The following CACNA1C variants were observed in gnomAD, a reference collection of about 807,000 sequenced individuals.
The protein encoded by CACNA1C is voltage-dependent L-type calcium channel subunit alpha-1C.
A neutral mutation model predicts 229.0 loss-of-function variants in CACNA1C; 30 were observed. The ratio of observed to expected loss-of-function variants is 0.13; its 90% confidence interval spans 0.10 to 0.18. CACNA1C has a LOEUF of 0.18. CACNA1C is among the 10% of genes least tolerant of loss of function. The probability of loss-of-function intolerance (pLI) is 1.00; values close to 1 mark genes in which losing one functional copy is unlikely to be tolerated. For missense variants in CACNA1C, 1,658 were observed against 2,845.0 expected (o/e 0.58, Z 9.49); for synonymous variants, 1,114 against 1,132.5 (o/e 0.98, Z 0.33).
chr12:2,578,164 G>A (rs999176554), intron 13 of CACNA1C, among the ~76,000 whole-genome samples: 13 of 152,322 alleles, frequency 8.5e-5, no homozygotes, highest in South Asian at 4.1e-4. Flanking sequence ...CACCGCGCCC[G>A]GCCAGAAGTA....
intron 30 of CACNA1C, chr12:2,641,378 G>A: frequency 4.4e-6 from 1 of 229,564 alleles, no homozygotes; most frequent in Non-Finnish European, 8.4e-6. Context: ...AGTGGGTGCT[G>A]TTGCCAACCA....
intron 3 of CACNA1C, among the ~76,000 whole-genome samples, chr12:2,172,349 G>A (rs1346690477): frequency 6.6e-6 from 1 of 152,202 alleles, no homozygotes. Flanking sequence ...AGCCTTTCCA[G>A]ACTCTTGTCA....
At chr12:2,063,060 C>A (rs2154518804) in intron 1 of CACNA1C, among the ~76,000 whole-genome samples, 1 of 152,232 alleles carries the variant, frequency 6.6e-6, no homozygotes, top group East Asian at 1.9e-4. Context: ...TTGGTAGTCA[C>A]TTTTCATTCC....
chr12:2,327,422 C>A (rs1205860800), intron 3 of CACNA1C, among the ~76,000 whole-genome samples: 1 of 152,200 alleles, frequency 6.6e-6, no homozygotes, highest in African/African-American at 2.4e-5. Context: ...CCTTTCTACT[C>A]AAAGAAAATG....
At chr12:2,121,394 T>C (rs527317583) in intron 3 of CACNA1C, among the ~76,000 whole-genome samples, 1 of 152,248 alleles carries the variant, frequency 6.6e-6, no homozygotes, top group Non-Finnish European at 1.5e-5. Flanking sequence ...GTTCTTGTAT[T>C]TTGTAACCTT....
chr12:2,549,772 C>T (rs924454543), intron 9 of CACNA1C, among the ~76,000 whole-genome samples, 171 bp from the exon 10 acceptor site: 1 of 152,214 alleles, frequency 6.6e-6, no homozygotes, highest in African/African-American at 2.4e-5. Flanking sequence ...GGACAACCAG[C>T]AGATGTGTCC....
At position 2,425,347 on chromosome 12, in the gene CACNA1C, A is replaced by C. The variant is rs545146672; in HGVS notation, c.478-23629A>C. Among the ~76,000 whole-genome samples, 5 of 152,352 alleles carry C rather than the reference A, an allele frequency of 3.3e-5. No homozygotes were observed. The South Asian group carries it at 1.0e-3, about 32-fold the overall frequency. ...AAATACACACAAAGGAAGTAGATTA[A>C]TCATATAAGCGAAAATGTCAGCAAC... On this transcript the variant is annotated intron_variant, in intron 3 of 46. Coordinates refer to ENST00000399655, the MANE Select transcript of CACNA1C (RefSeq NM_000719.7).
intron 3 of CACNA1C, among the ~76,000 whole-genome samples, chr12:2,432,678 T>A (rs2099097712): frequency 6.6e-6 from 1 of 152,140 alleles, no homozygotes; most frequent in African/African-American, 2.4e-5. Flanking sequence ...GCAATCTTCT[T>A]TTTAAAAAAT....
At chr12:2,292,323 A>G (rs1404614006) in intron 3 of CACNA1C, among the ~76,000 whole-genome samples, 4 of 152,228 alleles carry the variant, frequency 2.6e-5, no homozygotes, top group Non-Finnish European at 5.9e-5. Context: ...GTTCAGTTAG[A>G]CACAGTTTCT....
chr12:2,648,385 GTGT>G, intron 30 of CACNA1C, 87 bp from the exon 31 acceptor site: 1 of 1,208,974 alleles, frequency 8.3e-7, no homozygotes, highest in African/African-American at 1.5e-5. Flanking sequence ...TTCTGCCACT[GTGT>G]TGCTCCCGTG....
chr12:2,628,353 G>A (rs2088281871), intron 29 of CACNA1C, among the ~76,000 whole-genome samples: 1 of 152,164 alleles, frequency 6.6e-6, no homozygotes, highest in Non-Finnish European at 1.5e-5. Flanking sequence ...ACAAAATGCA[G>A]CCGTGACAAC....
intron 1 of CACNA1C, among the ~76,000 whole-genome samples, chr12:1,976,296 C>T (rs763517698): frequency 2.6e-5 from 4 of 152,158 alleles, no homozygotes; most frequent in East Asian, 3.8e-4. Context: ...ATTTTTCAGT[C>T]GGAATGGCAA....
chr12:2,347,591 C>T (rs1437181182), intron 3 of CACNA1C, among the ~76,000 whole-genome samples: 5 of 152,212 alleles, frequency 3.3e-5, no homozygotes, highest in Non-Finnish European at 5.9e-5. Flanking sequence ...GTAGGAACAC[C>T]GCTCCAGGAC....
chr12:2,188,373 C>A (rs1035064649), intron 3 of CACNA1C, among the ~76,000 whole-genome samples: 1 of 151,858 alleles, frequency 6.6e-6, no homozygotes, highest in African/African-American at 2.4e-5. Flanking sequence ...AACTATGGAT[C>A]GAGATGCATT....
At chr12:2,561,853 T>C (rs1484322759) in intron 11 of CACNA1C, among the ~76,000 whole-genome samples, 1 of 152,208 alleles carries the variant, frequency 6.6e-6, no homozygotes, top group Non-Finnish European at 1.5e-5. Flanking sequence ...GAAGGGAATA[T>C]GAATAGCAGG....
rs1009664979 is a variant in CACNA1C, at chr12:2,117,651, T to G, written c.371+2106T>G. Among the ~76,000 whole-genome samples the G allele has an allele frequency of 3.3e-5, 5 of 152,344 alleles. 1 individual carries two copies. Among genetic ancestry groups the G allele is most frequent in the Admixed American group, 6.5e-5 (1 of 15,312 alleles). On this transcript the variant is annotated intron_variant, in intron 2 of 46. Transcript: ENST00000399655. ...CACCCCATGCATCCATAGTACTGGG[T>G]AGGACTAGGCAGGTACTAGTAGATA...
intron 7 of CACNA1C, among the ~76,000 whole-genome samples, chr12:2,501,622 G>A (rs1213128152): frequency 1.3e-5 from 2 of 152,244 alleles, no homozygotes; most frequent in South Asian, 2.1e-4. Context: ...CCTGTGGTCA[G>A]GCAGCTCATG....
At chr12:2,436,787 T>C (rs933561360) in intron 3 of CACNA1C, among the ~76,000 whole-genome samples, 5 of 152,230 alleles carry the variant, frequency 3.3e-5, no homozygotes, top group African/African-American at 1.2e-4. Context: ...TCGGAATGAC[T>C]TTCACAATAA....
chr12:2,446,111 G>A (rs1044803902), intron 3 of CACNA1C, among the ~76,000 whole-genome samples: 19 of 151,720 alleles, frequency 1.3e-4, no homozygotes, highest in South Asian at 2.1e-4. Flanking sequence ...GTGGGTGAAC[G>A]AATGAATGGG....
Sources: allele counts gnomAD v4.1 joint callset (sites outside exome capture counted in the v4.1 genomes callset), GRCh38; gene constraint gnomAD v4.1.1; transcripts MANE v1.5; gene names NCBI Gene and HGNC (gene_info 2026-07-23, HGNC 2026-07-21).